The following OSBPL1A variants were observed in gnomAD, a reference collection of about 807,000 sequenced individuals.
The protein encoded by OSBPL1A is oxysterol-binding protein-related protein 1.
Under a neutral mutation model 137.1 loss-of-function variants are expected in OSBPL1A, and 80 were observed. The ratio of observed to expected loss-of-function variants is 0.58; its 90% CI spans 0.49 to 0.70. The LOEUF is 0.70. OSBPL1A is among the 30% of genes least tolerant of loss of function. The pLI, the probability that OSBPL1A is intolerant of heterozygous loss-of-function variation, is 0.00. For synonymous variants in OSBPL1A, 365 were observed against 389.7 expected (o/e 0.94, Z 0.75); for missense variants, 970 against 1,129.4 (o/e 0.86, Z 2.02).
At chr18:24,239,409 G>T (rs760747599) in intron 15 of OSBPL1A, 27 bp from the exon 16 acceptor site, 4 of 1,601,520 alleles carry the variant, frequency 2.5e-6, no homozygotes, top group Non-Finnish European at 3.4e-6. Flanking sequence ...ATACAGAAAA[G>T]ACTTCAGAGT....
At chr18:24,355,333 C>T (rs189619845) in intron 4 of OSBPL1A, among the ~76,000 whole-genome samples, 2 of 151,242 alleles carry the variant, frequency 1.3e-5, no homozygotes, top group African/African-American at 2.4e-5. Context: ...GAAACCCCGT[C>T]TCTACTAAAA....
intron 24 of OSBPL1A, among the ~76,000 whole-genome samples, chr18:24,169,794 A>C (rs1004278870): frequency 6.6e-6 from 1 of 152,232 alleles, no homozygotes; most frequent in African/African-American, 2.4e-5. Flanking sequence ...ACGCGACAAG[A>C]AGCCACGTAT....
chr18:24,303,429 A>G (rs2090441687), intron 14 of OSBPL1A, among the ~76,000 whole-genome samples: 1 of 152,224 alleles, frequency 6.6e-6, no homozygotes, highest in Admixed American at 6.5e-5. Context: ...CTTTTTTTAA[A>G]AGGATAAAAA....
At chr18:24,172,052 T>C (rs552871844) in intron 22 of OSBPL1A, among the ~76,000 whole-genome samples, 64 of 151,968 alleles carry the variant, frequency 4.2e-4, no homozygotes, top group Non-Finnish European at 8.4e-4. Context: ...GCAATTCTCC[T>C]GCCTCAGCCT....
At chr18:24,358,673 T>C (rs367565045) in intron 4 of OSBPL1A, among the ~76,000 whole-genome samples, 6 of 152,210 alleles carry the variant, frequency 3.9e-5, no homozygotes, top group African/African-American at 1.4e-4. Flanking sequence ...ATTATACATA[T>C]ATTCTGTATG....
chr18:24,320,201 A>T (rs73394341), intron 7 of OSBPL1A, among the ~76,000 whole-genome samples: 11,921 of 152,124 alleles, frequency 0.078, 1,521 homozygotes, highest in African/African-American at 0.27. Flanking sequence ...AGGGTCTGTT[A>T]TGTACCGATT....
chr18:24,377,949 T>C (rs1906321051), intron 1 of OSBPL1A, among the ~76,000 whole-genome samples: 1 of 152,344 alleles, frequency 6.6e-6, no homozygotes, highest in South Asian at 2.1e-4. Flanking sequence ...ATTTCCTATA[T>C]GACCATTCAT....
At chr18:24,340,395 A>G (rs1176858306) in intron 5 of OSBPL1A, among the ~76,000 whole-genome samples, 1 of 152,210 alleles carries the variant, frequency 6.6e-6, no homozygotes, top group Admixed American at 6.5e-5. Context: ...TGAGAATACC[A>G]GGCACAGTGG....
In OSBPL1A at chr18:24,170,334, C is replaced by G. The variant is rs145164093; in HGVS notation, c.2411G>C (p.Ser804Thr). The change falls in exon 24 of 28, where the codon AGC (serine) becomes ACC (threonine). Residue 804 changes from serine to threonine, a missense_variant. Around this residue, in one of 2 missense-constraint regions of OSBPL1A, gnomAD observed 323 missense variants for 456.8 expected, o/e 0.71. Coordinates refer to ENST00000319481, the MANE Select transcript of OSBPL1A (RefSeq NM_080597.4). The part of the protein sequence containing the change: ...DKKNTEEKKN[S>T]KQMSTSEELD... ...ACCTTACAGGATGTTCACCTGTTTGCTGTTCTTCTTCTCTTCTGTATTTTT... is the reference window on the plus strand; with the variant it reads ...ACCTTACAGGATGTTCACCTGTTTGGTGTTCTTCTTCTCTTCTGTATTTTT... 3 of 1,614,068 alleles carry G rather than the reference C, an allele frequency of 1.9e-6. No homozygotes were observed. The Admixed American group carries it at 5.0e-5, about 27-fold the overall frequency.
chr18:24,349,637 TGAG>T (rs887136844), intron 4 of OSBPL1A, among the ~76,000 whole-genome samples: 9 of 150,694 alleles, frequency 6.0e-5, no homozygotes, highest in African/African-American at 2.2e-4. Flanking sequence ...GCAAAGAAGA[TGAG>T]AAGTGTGAGT....
intron 1 of OSBPL1A, among the ~76,000 whole-genome samples, chr18:24,392,162 T>C (rs965946786): frequency 1.4e-4 from 21 of 152,168 alleles, no homozygotes; most frequent in African/African-American, 5.1e-4. Flanking sequence ...AGCCAGCATT[T>C]GTACTCTTTT....
rs1489902401 is a variant in OSBPL1A, at chr18:24,271,773, G to C, written c.1281+9069C>G. On this transcript the variant is annotated intron_variant, in intron 15 of 27. Transcript: ENST00000319481. The surrounding 1 kb of genome is among the most constrained non-coding windows in gnomAD (Gnocchi z 4.0). ...GGCGCGACCCAGGGCGGCCCGCAAG[G>C]TCTCCCTAAGTCACCTTTGCGCAGC... 1 of 985,252 alleles carries C rather than the reference G, an allele frequency of 1.0e-6. No individual in the cohort carries two copies. Among genetic ancestry groups the C allele is most frequent in the Non-Finnish European group, 1.2e-6 (1 of 829,944 alleles). 61.0% of individuals were successfully genotyped at this position (985,252 alleles called of 1,614,324 possible). A position where few individuals can be genotyped will look rare whatever the true frequency, so the allele number is the denominator to read the frequency against.
chr18:24,186,274 T>C (rs1395268810), intron 18 of OSBPL1A, among the ~76,000 whole-genome samples: 1 of 152,176 alleles, frequency 6.6e-6, no homozygotes, highest in Non-Finnish European at 1.5e-5. Context: ...TGGATGTATA[T>C]TGTTTGTGGT....
In OSBPL1A at chr18:24,183,627, G is replaced by T. The variant is rs534882430; in HGVS notation, c.1678-2348C>A. Among the ~76,000 whole-genome samples, 606 of 151,910 alleles carry T rather than the reference G, an allele frequency of 4.0e-3. 2 individuals are homozygous for T. Among genetic ancestry groups the T allele is most frequent in the African/African-American group, 0.013 (523 of 41,436 alleles). ...TTTTTTTTATTTTTAGTAGAGACGG[G>T]GTTTCACCATGTTGGCCAGGCTGGT... On this transcript the variant is annotated intron_variant, in intron 18 of 27. Transcript: ENST00000319481.
In OSBPL1A at chr18:24,311,842, A is replaced by C; in HGVS notation, c.1092+142T>G. 3 of 946,868 alleles carry C rather than the reference A, an allele frequency of 3.2e-6. No homozygotes were observed. The South Asian group carries it at 4.8e-5, about 15-fold the overall frequency. The allele number at this position is 946,868 out of a possible 1,614,324, so 58.7% of individuals were successfully genotyped here. ...ATGAGAGACATAAGCTACCAACACA[A>C]TGCAACTCAGTGAAGAACAGTACTA... On this transcript the variant is annotated intron_variant, in intron 13 of 27. Coordinates refer to ENST00000319481, the MANE Select transcript of OSBPL1A (RefSeq NM_080597.4).
chr18:24,232,356 C>A (rs557733247), intron 16 of OSBPL1A, among the ~76,000 whole-genome samples: 3 of 152,306 alleles, frequency 2.0e-5, no homozygotes, highest in East Asian at 3.9e-4. Context: ...CAACAAGAGT[C>A]GGAGACATTC....
At position 24,318,616 on chromosome 18, in the gene OSBPL1A, C is replaced by T. The variant is rs1021239554; in HGVS notation, c.717G>A (p.Glu239=). ...CTCAACTTACCTTCCAGAGAGGGCCCTCATATCGTTTCAATGCTTTGTAGA... is the reference window on the plus strand; with the variant it reads ...CTCAACTTACCTTCCAGAGAGGGCCTTCATATCGTTTCAATGCTTTGTAGA... ...KVIYKALKRY[E]GPLWKSSRFF... Residue 239 remains glutamate, a synonymous_variant, in exon 9 of 28, where the codon GAG becomes GAA. Coordinates refer to ENST00000319481, the MANE Select transcript of OSBPL1A (RefSeq NM_080597.4). 1 of 1,610,004 alleles carries T rather than the reference C, an allele frequency of 6.2e-7. No individual in the cohort carries two copies. Among genetic ancestry groups the T allele is most frequent in the Non-Finnish European group, 8.5e-7 (1 of 1,179,152 alleles).
chr18:24,272,622 AG>A (rs1182575495), intron 15 of OSBPL1A, among the ~76,000 whole-genome samples: 1 of 152,206 alleles, frequency 6.6e-6, no homozygotes, highest in Non-Finnish European at 1.5e-5. Flanking sequence ...ATGGAGGGAA[AG>A]AAATCTTTTT....
At chr18:24,171,042 G>GTTT (rs748362943) in intron 23 of OSBPL1A, among the ~76,000 whole-genome samples, 7 of 140,602 alleles carry the variant, frequency 5.0e-5, no homozygotes, top group African/African-American at 1.6e-4. Context: ...AATTTTTTTT[G>GTTT]TTTTTTTTTT....
Sources: gnomAD v4.1 joint callset for allele counts (sites outside exome capture counted in the v4.1 genomes callset) on GRCh38, gnomAD v4.1.1 for gene constraint, gnomAD v4.1.1 regional missense constraint, Gnocchi (gnomAD v3.1) non-coding constraint, MANE v1.5 for transcripts, NCBI Gene and HGNC (gene_info 2026-07-23, HGNC 2026-07-21) for gene names.